The following SUSD1 variants were observed in gnomAD, a reference collection of about 807,000 sequenced individuals.
The protein encoded by SUSD1 is sushi domain containing 1, also known as sushi domain-containing protein 1.
A neutral mutation model predicts 86.9 loss-of-function variants in SUSD1; 65 were observed. The observed-to-expected ratio is 0.75, with a 90% CI of 0.61 to 0.92. The LOEUF (loss-of-function observed/expected upper bound fraction) is 0.92, where lower values mean the gene tolerates loss of function less well. Ranked by LOEUF, SUSD1 falls within the 40% of genes least tolerant of loss-of-function variation. The pLI, the probability that SUSD1 is intolerant of heterozygous loss-of-function variation, is 0.00. For synonymous variants in SUSD1, 346 were observed against 350.0 expected (o/e 0.99, Z 0.13); for missense variants, 850 against 929.7 (o/e 0.91, Z 1.11).
intron 8 of SUSD1, among the ~76,000 whole-genome samples, chr9:112,107,800 A>G (rs1447648898): frequency 1.3e-5 from 2 of 152,260 alleles, no homozygotes; most frequent in African/African-American, 2.4e-5. Flanking sequence ...TAAAAATCAT[A>G]TCAAAATGTG....
At chr9:112,152,077 C>T (rs1428127710) in intron 2 of SUSD1, among the ~76,000 whole-genome samples, 1 of 151,188 alleles carries the variant, frequency 6.6e-6, no homozygotes, top group Non-Finnish European at 1.5e-5. Flanking sequence ...GTGGTGCACG[C>T]CTGTAATCCC....
chr9:112,159,198 G>T (rs1158654072), intron 1 of SUSD1, among the ~76,000 whole-genome samples: 1 of 152,094 alleles, frequency 6.6e-6, no homozygotes, highest in Non-Finnish European at 1.5e-5. Flanking sequence ...AAGGCTATGT[G>T]GTATACTGTG....
rs71496739 is a variant in SUSD1, at chr9:112,078,811, C to CTTTTTTTTTTTTTTTTTTTTTT, written c.1567-88_1567-87insAAAAAAAAAAAAAAAAAAAAAA. 3 of 575,744 alleles carry CTTTTTTTTTTTTTTTTTTTTTT rather than the reference C, an allele frequency of 5.2e-6. No individual in the cohort carries two copies. The African/African-American group carries it at 7.5e-5, about 14-fold the overall frequency. 35.7% of individuals were successfully genotyped at this position (575,744 alleles called of 1,614,324 possible). Reference sequence around the variant, plus strand: ...ACCTCCCCTTTTCCTTTTTCTTTCTCTTTTTTTTTTTTTTTTTTTGAGATG... The same window carrying CTTTTTTTTTTTTTTTTTTTTTT: ...ACCTCCCCTTTTCCTTTTTCTTTCTCTTTTTTTTTTTTTTTTTTTTTTTTTTTTTTTTTTTTTTTTTGAGATG... On this transcript the variant is annotated intron_variant, in intron 11 of 16. Coordinates refer to ENST00000374270, the MANE Select transcript of SUSD1 (RefSeq NM_022486.5).
intron 13 of SUSD1, 57 bp from the exon 14 acceptor site, chr9:112,058,743 C>T (rs1828570759): frequency 1.3e-6 from 2 of 1,581,972 alleles, no homozygotes; most frequent in South Asian, 2.3e-5. Context: ...TTCATTCATT[C>T]ATTCATATTT....
chr9:112,115,669 C>T (rs1448655814), intron 6 of SUSD1, among the ~76,000 whole-genome samples: 1 of 151,634 alleles, frequency 6.6e-6, no homozygotes, highest in Non-Finnish European at 1.5e-5. Flanking sequence ...ATTAGCCAAG[C>T]GTGGTGGTAC....
chr9:112,108,782 AAAAAAAAAAG>A (rs1185490431), intron 8 of SUSD1, among the ~76,000 whole-genome samples: 2 of 149,202 alleles, frequency 1.3e-5, no homozygotes, highest in South Asian at 4.2e-4. Flanking sequence ...CTCAAAAAAA[AAAAAAAAAAG>A]AAAAAAAAGA....
At chr9:112,093,280 A>G (rs943016793) in intron 10 of SUSD1, among the ~76,000 whole-genome samples, 2 of 152,178 alleles carry the variant, frequency 1.3e-5, no homozygotes, top group African/African-American at 4.8e-5. Flanking sequence ...CACATTTCCA[A>G]GTAATAAGTT....
chr9:112,077,959 C>T (rs1739763821), intron 12 of SUSD1, among the ~76,000 whole-genome samples: 4 of 152,174 alleles, frequency 2.6e-5, no homozygotes, highest in Admixed American at 2.6e-4. Flanking sequence ...ACACTACCCA[C>T]ATTTCATCAA....
At position 112,094,602 on chromosome 9, in the gene SUSD1, A is replaced by G. The variant is rs568942294; in HGVS notation, c.1474+3868T>C. Among the ~76,000 whole-genome samples, 11 of 152,384 alleles carry G rather than the reference A, an allele frequency of 7.2e-5. No individual in the cohort carries two copies. In the South Asian group the frequency reaches 2.3e-3, roughly 32 times the overall value. On this transcript the variant is annotated intron_variant, in intron 10 of 16. Transcript: ENST00000374270. ...CCATCTCTGAAAATAGAATGAAGTC[A>G]GTTTACAAAACAGGTTTTGGTCTTG... is the stretch of plus-strand genomic sequence containing the variant.
intron 1 of SUSD1, among the ~76,000 whole-genome samples, chr9:112,174,595 G>T (rs910446698): frequency 5.3e-5 from 8 of 152,172 alleles, no homozygotes; most frequent in Non-Finnish European, 1.5e-5. Flanking sequence ...TCTGTTGAAT[G>T]AATGAGTGAA....
intron 10 of SUSD1, among the ~76,000 whole-genome samples, chr9:112,092,825 C>T (rs1286455521): frequency 3.3e-5 from 5 of 151,850 alleles, no homozygotes; most frequent in African/African-American, 4.8e-5. Context: ...TCAAAAACAT[C>T]GTAAACAAAA....
chr9:112,075,409 A>AT (rs1386282553), intron 12 of SUSD1, among the ~76,000 whole-genome samples: 3 of 149,696 alleles, frequency 2.0e-5, no homozygotes, highest in Non-Finnish European at 4.5e-5. Flanking sequence ...GAGAAAGAAA[A>AT]TAAAAAAAAA....
At chr9:112,077,367 T>C (rs954266804) in intron 12 of SUSD1, among the ~76,000 whole-genome samples, 2 of 151,952 alleles carry the variant, frequency 1.3e-5, no homozygotes, top group African/African-American at 4.8e-5. Flanking sequence ...GCTAATATGC[T>C]TAGTATTTGC....
intron 14 of SUSD1, among the ~76,000 whole-genome samples, chr9:112,058,188 T>G (rs1482214898): frequency 7.4e-6 from 1 of 135,488 alleles, no homozygotes; most frequent in Non-Finnish European, 1.5e-5. Context: ...AGCTTAAGAG[T>G]AAAAACAAAA....
At chr9:112,122,295 G>A (rs760080705) in intron 6 of SUSD1, among the ~76,000 whole-genome samples, 1 of 152,026 alleles carries the variant, frequency 6.6e-6, no homozygotes, top group Non-Finnish European at 1.5e-5. Context: ...TGAGTACTGG[G>A]GACTACAGGT....
At chr9:112,086,536 A>G (rs933246048) in intron 10 of SUSD1, among the ~76,000 whole-genome samples, 37 of 135,168 alleles carry the variant, frequency 2.7e-4, no homozygotes, top group Middle Eastern at 3.6e-3. Flanking sequence ...GAGAGAGAGA[A>G]AAAAAGAAAG....
At chr9:112,115,634 G>A (rs142451362) in intron 6 of SUSD1, among the ~76,000 whole-genome samples, 17 of 151,570 alleles carry the variant, frequency 1.1e-4, no homozygotes, top group Non-Finnish European at 5.9e-5. Flanking sequence ...TGGTGAAACC[G>A]CATCTCTACT....
rs1157811349 is a variant in SUSD1, at chr9:112,058,701, G to A, written c.1851-15C>T. Reference sequence around the variant, plus strand: ...CCTGATATGAACTGGAAGAAAAAAGGAGAAGTGTCCATCAGACCCTTGCAT... The same window carrying A: ...CCTGATATGAACTGGAAGAAAAAAGAAGAAGTGTCCATCAGACCCTTGCAT... On this transcript the variant is annotated splice_polypyrimidine_tract_variant and intron_variant, in intron 13 of 16. Coordinates refer to ENST00000374270, the MANE Select transcript of SUSD1 (RefSeq NM_022486.5). The A allele has an allele frequency of 1.2e-6, 2 of 1,612,964 alleles. No individual in the cohort carries two copies. The highest frequency in any genetic ancestry group is 1.3e-5 in the African/African-American group (1 of 74,940).
intron 15 of SUSD1, 104 bp from the exon 16 acceptor site, chr9:112,042,064 C>A: frequency 6.4e-7 from 1 of 1,552,910 alleles, no homozygotes; most frequent in Middle Eastern, 1.7e-4. Flanking sequence ...AGAGCTTGGC[C>A]CCATTTAACA....
Sources: gnomAD v4.1 joint callset for allele counts (sites outside exome capture counted in the v4.1 genomes callset) on GRCh38, gnomAD v4.1.1 for gene constraint, MANE v1.5 for transcripts, NCBI Gene and HGNC (gene_info 2026-07-23, HGNC 2026-07-21) for gene names.